The following KRABD3 variants were observed in gnomAD, a reference collection of about 807,000 sequenced individuals.
The protein encoded by KRABD3 is KRAB domain containing 3, also known as KRAB domain-containing protein 3.
chr7:149,720,225 TC>T, the KRABD3 span: 3 of 1,334,386 alleles, frequency 2.2e-6, no homozygotes, highest in African/African-American at 4.5e-5. Flanking sequence ...GCCTCTCACC[TC>T]CCTGCCTCCC....
At chr7:149,726,250 C>T in the KRABD3 span, among the ~76,000 whole-genome samples, 3 of 152,100 alleles carry the variant, frequency 2.0e-5, no homozygotes, top group South Asian at 6.2e-4. Flanking sequence ...AGAGGGGGCT[C>T]CGTTTTAGTG....
the KRABD3 span, among the ~76,000 whole-genome samples, chr7:149,715,570 ACT>A: frequency 3.5e-3 from 524 of 150,966 alleles, 1 homozygote; most frequent in Non-Finnish European, 4.3e-3. Context: ...ATGCTGGGAA[ACT>A]CTGGTGCTGA....
the KRABD3 span, among the ~76,000 whole-genome samples, chr7:149,715,927 A>G: frequency 6.6e-6 from 1 of 152,220 alleles, no homozygotes. Flanking sequence ...AGGCCTCCTC[A>G]TACCACAGTT....
chr7:149,734,136 T>C, the KRABD3 span: 1 of 1,465,226 alleles, frequency 6.8e-7, no homozygotes, highest in Non-Finnish European at 9.1e-7. Context: ...GGCCACCCTC[T>C]CCCAGAGGAC....
At chr7:149,725,845 C>T in the KRABD3 span, 7 of 1,475,294 alleles carry the variant, frequency 4.7e-6, no homozygotes, top group South Asian at 8.1e-5. Context: ...GTCTCTTCTC[C>T]AGTGAGCCTC....
At chr7:149,722,658 G>C in the KRABD3 span, 2 of 1,473,808 alleles carry the variant, frequency 1.4e-6, no homozygotes, top group East Asian at 4.6e-5. Context: ...CAGCTCCACC[G>C]GGCAGGCCTT....
At chr7:149,721,466 A>T in the KRABD3 span, 1 of 1,612,298 alleles carries the variant, frequency 6.2e-7, no homozygotes, top group Non-Finnish European at 8.5e-7. Context: ...CCTGGCCACC[A>T]CGCCCACCGA....
the KRABD3 span, chr7:149,725,235 C>A: frequency 7.2e-7 from 1 of 1,389,488 alleles, no homozygotes; most frequent in Non-Finnish European, 9.6e-7. Flanking sequence ...GAAAGCACGT[C>A]GGGTAGAGCC....
the KRABD3 span, chr7:149,733,359 A>T: frequency 6.2e-7 from 1 of 1,612,050 alleles, no homozygotes; most frequent in East Asian, 2.2e-5. Context: ...CTGCAGCAGG[A>T]GCTGCACAGC....
chr7:149,726,275 G>T, the KRABD3 span, among the ~76,000 whole-genome samples: 2 of 152,132 alleles, frequency 1.3e-5, no homozygotes, highest in African/African-American at 4.8e-5. Flanking sequence ...GTCTTAGAAG[G>T]GACAGGACAA....
At chr7:149,728,874 G>A in the KRABD3 span, among the ~76,000 whole-genome samples, 1 of 152,202 alleles carries the variant, frequency 6.6e-6, no homozygotes, top group South Asian at 2.1e-4. Flanking sequence ...TAGTGCCACT[G>A]TCTGCGGTTC....
At chr7:149,727,444 G>T in the KRABD3 span, among the ~76,000 whole-genome samples, 1 of 152,202 alleles carries the variant, frequency 6.6e-6, no homozygotes, top group East Asian at 1.9e-4. Context: ...GCTATAAAAG[G>T]TTATGTAGGG....
chr7:149,725,387 C>T, the KRABD3 span: 2 of 1,609,736 alleles, frequency 1.2e-6, no homozygotes, highest in South Asian at 1.1e-5. Context: ...AATGGGTCGT[C>T]ACCTTCCCAG....
the KRABD3 span, chr7:149,728,714 T>C: frequency 6.2e-7 from 1 of 1,600,428 alleles, no homozygotes; most frequent in Admixed American, 1.7e-5. Flanking sequence ...TAGACAGGGC[T>C]GCTCTGAGGA....
the KRABD3 span, among the ~76,000 whole-genome samples, chr7:149,727,844 G>C: frequency 3.9e-5 from 6 of 152,244 alleles, no homozygotes; most frequent in Non-Finnish European, 7.4e-5. Flanking sequence ...AGCCCTTCCT[G>C]GTCTGGAAGG....
At chr7:149,730,673 A>G in the KRABD3 span, 1 of 1,391,068 alleles carries the variant, frequency 7.2e-7, no homozygotes, top group African/African-American at 1.4e-5. Context: ...GGCTCTTGCC[A>G]GGGAGTCCTG....
the KRABD3 span, chr7:149,722,080 C>T: frequency 6.3e-3 from 2,578 of 410,320 alleles, 62 homozygotes; most frequent in African/African-American, 0.042. Flanking sequence ...GTTCAGGGGT[C>T]GTCGGGCACA....
At chr7:149,728,640 G>C in the KRABD3 span, 1 of 1,613,508 alleles carries the variant, frequency 6.2e-7, no homozygotes, top group Non-Finnish European at 8.5e-7. Flanking sequence ...GGACCGAGGA[G>C]AGCAGAGCCC....
chr7:149,716,529 CTT>C, the KRABD3 span, among the ~76,000 whole-genome samples: 1 of 152,366 alleles, frequency 6.6e-6, no homozygotes, highest in South Asian at 2.1e-4. Flanking sequence ...AACCCTCACT[CTT>C]TGCTTTTTCT....
Sources: gnomAD v4.1 joint callset for allele counts (sites outside exome capture counted in the v4.1 genomes callset) on GRCh38, gnomAD v4.1.1 for gene constraint, MANE v1.5 for transcripts, NCBI Gene and HGNC (gene_info 2026-07-23, HGNC 2026-07-21) for gene names.